MBTD1: variants seen among roughly 807,000 people sequenced by gnomAD.
The protein encoded by MBTD1 is mbt domain containing 1.
Under a neutral mutation model 87.8 loss-of-function variants are expected in MBTD1, and 24 were observed. The observed-to-expected ratio is 0.27, with a 90% CI of 0.20 to 0.38. The LOEUF is 0.38. Among genes scored for constraint, MBTD1 ranks in the 10% least tolerant of loss-of-function variants. MBTD1 has a pLI of 1.00. For missense variants in MBTD1, 436 were observed against 760.2 expected, an observed-to-expected ratio of 0.57 and a Z score of 5.02; for synonymous variants, 237 against 248.6, an observed-to-expected ratio of 0.95 and a Z score of 0.44.
chr17:51,208,962 T>C (rs1265727240), intron 6 of MBTD1, among the ~76,000 whole-genome samples: 1 of 152,212 alleles, frequency 6.6e-6, no homozygotes, highest in Non-Finnish European at 1.5e-5. Context: ...GAAAGTGACA[T>C]TTGTTCTTGC....
chr17:51,226,101 C>G (rs1475003587), intron 2 of MBTD1, among the ~76,000 whole-genome samples: 1 of 149,266 alleles, frequency 6.7e-6, no homozygotes, highest in South Asian at 2.1e-4. Flanking sequence ...TTTGGGAGGC[C>G]GAGGTGGGAT....
In MBTD1 at chr17:51,202,042, G is replaced by A. The variant is rs747952574; in HGVS notation, c.1099C>T (p.Pro367Ser). ...TKKQDGHFDT[P>S]PHLFAKVKEV... ...CTTACCTTAGCAAATAAATGTGGTG[G>A]TGTATCAAAATGTCCATCCTGTTTC... The change falls in exon 11 of 17, where the codon CCA becomes TCA. Residue 367 changes from proline to serine, a missense_variant. Pro to Ser is a moderately conservative substitution (Grantham distance 74, BLOSUM62 -1). Coordinates refer to ENST00000586178, the MANE Select transcript of MBTD1 (RefSeq NM_017643.3). 2 of 1,606,706 alleles carry A rather than the reference G, an allele frequency of 1.2e-6. No homozygotes were observed. The highest frequency in any genetic ancestry group is 3.3e-5 in the Admixed American group (2 of 59,770).
At chr17:51,260,116 A>C, upstream of MBTD1, 4 of 370,142 alleles carry the variant, frequency 1.1e-5, no homozygotes, top group Middle Eastern at 7.1e-4. Context: ...ACTTCCCTAC[A>C]TACCCTCCTC....
At chr17:51,221,018 T>C (rs1040273624) in intron 3 of MBTD1, among the ~76,000 whole-genome samples, 4 of 152,092 alleles carry the variant, frequency 2.6e-5, no homozygotes, top group African/African-American at 7.2e-5. Flanking sequence ...AGAGGCCAGG[T>C]GTAGTGACTC....
chr17:51,212,338 A>C (rs1187793713), intron 6 of MBTD1, among the ~76,000 whole-genome samples: 1 of 148,366 alleles, frequency 6.7e-6, no homozygotes, highest in Non-Finnish European at 1.5e-5. Context: ...AGCCTGACTG[A>C]AAGAGTGAGA....
chr17:51,234,242 T>C (rs2053697748), intron 2 of MBTD1, among the ~76,000 whole-genome samples: 1 of 150,938 alleles, frequency 6.6e-6, no homozygotes, highest in South Asian at 2.1e-4. Flanking sequence ...AAAATACAAA[T>C]ACTAGCTGGG....
At chr17:51,222,618 G>C (rs971746887) in intron 3 of MBTD1, among the ~76,000 whole-genome samples, 1 of 151,564 alleles carries the variant, frequency 6.6e-6, no homozygotes, top group African/African-American at 2.4e-5. Flanking sequence ...GGCTGGTCTC[G>C]AACTCCTGAG....
chr17:51,201,137 G>A (rs1016634875), intron 12 of MBTD1, among the ~76,000 whole-genome samples: 7 of 151,800 alleles, frequency 4.6e-5, no homozygotes, highest in Non-Finnish European at 8.8e-5. Flanking sequence ...AAAAAAAAAT[G>A]AACAAACAAA....
intron 7 of MBTD1, among the ~76,000 whole-genome samples, chr17:51,205,164 C>T (rs1279766395): frequency 6.6e-6 from 1 of 152,130 alleles, no homozygotes; most frequent in Non-Finnish European, 1.5e-5. Flanking sequence ...CAAGTTTAGT[C>T]AGCATTTTCA....
chr17:51,192,554 CTG>C, intron 15 of MBTD1: 1 of 751,322 alleles, frequency 1.3e-6, no homozygotes, highest in Non-Finnish European at 2.1e-6. Context: ...AATTTGGTGA[CTG>C]TTGTGTTTCT....
At position 51,259,258 on chromosome 17, in the gene MBTD1, G is replaced by A. The variant is rs193144842; in HGVS notation, c.-112-52C>T. On this transcript the variant is annotated intron_variant, in intron 1 of 16. Coordinates refer to ENST00000586178, the MANE Select transcript of MBTD1 (RefSeq NM_017643.3). ...AAAGGAGAACGCAATGGTCACAGAAGTCCACCGACTTGAAACCCTTTTAAA... is the reference window on the plus strand; with the variant it reads ...AAAGGAGAACGCAATGGTCACAGAAATCCACCGACTTGAAACCCTTTTAAA... The A allele has an allele frequency of 8.4e-4, 1,039 of 1,231,728 alleles. 19 individuals are homozygous for A. In the Admixed American group the frequency reaches 0.039, roughly 47 times the overall value. The allele number at this position is 1,231,728 out of a possible 1,614,324, so 76.3% of individuals were successfully genotyped here.
chr17:51,203,845 T>G lies in MBTD1; in HGVS notation c.685A>C (p.Ile229Leu). ...GCTGCACACCAACCAACTGGATGGA[T>G]ATCAGAACCACATATATTGCACCAG... ...DFWCNICGSD[I>L]HPVGWCAASG... Residue 229 changes from isoleucine (I) to leucine (L), a missense_variant, in exon 8 of 17, where the codon ATC (isoleucine) becomes CTC (leucine). This residue lies in a region of MBTD1 where 268 missense variants were observed against 401.8 expected (regional missense o/e 0.67). Coordinates refer to ENST00000586178, the MANE Select transcript of MBTD1 (RefSeq NM_017643.3). 1 of 1,613,774 alleles carries G rather than the reference T, an allele frequency of 6.2e-7. No homozygotes were observed. Among genetic ancestry groups the G allele is most frequent in the Middle Eastern group, 1.7e-4 (1 of 6,060 alleles).
Position 51,220,288 on chromosome 17 carries a change from T to C in MBTD1, c.288+42A>G, listed in dbSNP as rs745468077. ...AATGACAGATAAATGGCAAAAGCCATAGAAATAATGGATATAAGTAAGAAA... is the reference window on the plus strand; with the variant it reads ...AATGACAGATAAATGGCAAAAGCCACAGAAATAATGGATATAAGTAAGAAA... On this transcript the variant is annotated intron_variant, in intron 4 of 16. Coordinates refer to ENST00000586178, the MANE Select transcript of MBTD1 (RefSeq NM_017643.3). The C allele has an allele frequency of 6.6e-6, 10 of 1,506,160 alleles. No individual in the cohort carries two copies. In the East Asian group the frequency reaches 7.4e-5, roughly 11 times the overall value. 93.3% of individuals were successfully genotyped at this position (1,506,160 alleles called of 1,614,324 possible). A position where few individuals can be genotyped will look rare whatever the true frequency, so the allele number is the denominator to read the frequency against.
At chr17:51,233,249 AAGCTC>A (rs149527976) in intron 2 of MBTD1, among the ~76,000 whole-genome samples, 17,830 of 152,012 alleles carry the variant, frequency 0.12, 1,741 homozygotes, top group African/African-American at 0.27. Flanking sequence ...AGCAGTCAAC[AAGCTC>A]TACTCAGGTA....
rs1191568191 is a variant in MBTD1 at position 51,202,742 on chromosome 17, A to G, written c.1022T>C (p.Ile341Thr). ...ATGACCTATGCTTCGAGACCAACCA[A>G]TATGATGTATTAATGGGCTGTGCAT... Reference protein sequence around the residue: ...CHMHSPLIHHIGWSRSIGHRF... With the variant: ...CHMHSPLIHHTGWSRSIGHRF... Residue 341 changes from isoleucine to threonine, a missense_variant, in exon 10 of 17, where the codon ATT becomes ACT. Ile to Thr is a moderately conservative substitution (Grantham distance 89, BLOSUM62 -1). This residue lies in a region of MBTD1 where 268 missense variants were observed against 401.8 expected (regional missense o/e 0.67). Transcript: ENST00000586178. 1.9e-6 allele frequency: 3 copies of G among 1,614,042 alleles called. No individual in the cohort carries two copies. The highest frequency in any genetic ancestry group is 8.5e-7 in the Non-Finnish European group (1 of 1,180,024).
chr17:51,198,807 T>C (rs2051289977), intron 12 of MBTD1, among the ~76,000 whole-genome samples: 1 of 151,738 alleles, frequency 6.6e-6, no homozygotes. Flanking sequence ...CACGTGATTT[T>C]TGTTGTTGTT....
At chr17:51,230,645 AG>A (rs1453539299) in intron 2 of MBTD1, among the ~76,000 whole-genome samples, 5 of 152,180 alleles carry the variant, frequency 3.3e-5, no homozygotes, top group Non-Finnish European at 2.9e-5. Context: ...TTCTAGGCAA[AG>A]GGAAGTGCAA....
At chr17:51,238,449 T>C (rs1241195112) in intron 2 of MBTD1, among the ~76,000 whole-genome samples, 1 of 152,182 alleles carries the variant, frequency 6.6e-6, no homozygotes, top group Non-Finnish European at 1.5e-5. Flanking sequence ...CATGATTCAG[T>C]ACAGCACAGA....
chr17:51,240,048 T>C (rs2054076479), intron 2 of MBTD1, among the ~76,000 whole-genome samples: 1 of 152,224 alleles, frequency 6.6e-6, no homozygotes, highest in African/African-American at 2.4e-5. Flanking sequence ...TATCTTTTTT[T>C]ATATTTGATG....
Sources: allele counts gnomAD v4.1 joint callset (sites outside exome capture counted in the v4.1 genomes callset), GRCh38; gene constraint gnomAD v4.1.1; regional missense constraint gnomAD v4.1.1; transcripts MANE v1.5; gene names NCBI Gene and HGNC (gene_info 2026-07-23, HGNC 2026-07-21).